Variants in CALCRL observed in about 807,000 individuals in gnomAD.
The protein encoded by CALCRL is calcitonin gene-related peptide type 1 receptor.
Under a neutral mutation model 60.4 loss-of-function variants are expected in CALCRL, and 27 were observed. The observed-to-expected ratio is 0.45, with a 90% CI of 0.33 to 0.62. The LOEUF (loss-of-function observed/expected upper bound fraction) is 0.62, where lower values mean the gene tolerates loss of function less well. Ranked by LOEUF, CALCRL falls within the 20% of genes least tolerant of loss-of-function variation. The pLI, the probability that CALCRL is intolerant of heterozygous loss-of-function variation, is 0.03. For synonymous variants in CALCRL, 190 were observed against 182.6 expected (o/e 1.04, Z -0.33); for missense variants, 424 against 540.7 (o/e 0.78, Z 2.14).
intron 1 of CALCRL, among the ~76,000 whole-genome samples, chr2:187,395,783 A>G (rs988043255): frequency 1.3e-5 from 2 of 151,940 alleles, no homozygotes; most frequent in African/African-American, 2.4e-5. Flanking sequence ...AACATTTAAA[A>G]CAGGAAGTTA....
intron 1 of CALCRL, chr2:187,415,532 T>C: frequency 4.8e-6 from 2 of 413,578 alleles, no homozygotes; most frequent in Non-Finnish European, 4.5e-6. Flanking sequence ...TATCTAACAA[T>C]GTTTGGGACA....
intron 1 of CALCRL, among the ~76,000 whole-genome samples, chr2:187,430,000 C>T (rs1426074034): frequency 1.3e-5 from 2 of 152,172 alleles, no homozygotes; most frequent in African/African-American, 4.8e-5. Context: ...AATTTTCTCC[C>T]ATTGTGCTCT....
chr2:187,371,767 ATTTTC>A, intron 8 of CALCRL, among the ~76,000 whole-genome samples: 2 of 151,894 alleles, frequency 1.3e-5, no homozygotes, highest in Non-Finnish European at 2.9e-5. Flanking sequence ...ATCGTGCACA[ATTTTC>A]AGAGAAAAGT....
intron 12 of CALCRL, among the ~76,000 whole-genome samples, chr2:187,353,102 CAT>C (rs778020548): frequency 1.3e-5 from 2 of 151,882 alleles, no homozygotes; most frequent in African/African-American, 2.4e-5. Context: ...CCTACTGAAA[CAT>C]ATTTATTTCT....
chr2:187,439,629 G>A (rs374831132), intron 1 of CALCRL, among the ~76,000 whole-genome samples: 9 of 152,230 alleles, frequency 5.9e-5, no homozygotes, highest in South Asian at 2.1e-4. Flanking sequence ...TAGTATAGAC[G>A]TAGGTTGATT....
chr2:187,419,533 G>C (rs943391741), intron 1 of CALCRL, among the ~76,000 whole-genome samples: 1 of 152,108 alleles, frequency 6.6e-6, no homozygotes, highest in African/African-American at 2.4e-5. Context: ...GGCAGCCCTT[G>C]CAAATTAATA....
intron 1 of CALCRL, among the ~76,000 whole-genome samples, chr2:187,404,822 A>T (rs2105832913): frequency 6.6e-6 from 1 of 152,072 alleles, no homozygotes; most frequent in Middle Eastern, 3.4e-3. Context: ...CAGTATGGGT[A>T]TCTGAATAGT....
chr2:187,435,865 CGTGCGTGTGTGT>C (rs1387445932), intron 1 of CALCRL, among the ~76,000 whole-genome samples: 6 of 148,424 alleles, frequency 4.0e-5, no homozygotes, highest in South Asian at 4.3e-4. Flanking sequence ...TGTGTTTGTG[CGTGCGTGTGTGT>C]GTGTGTGTGT....
At position 187,375,719 on chromosome 2, in the gene CALCRL, C is replaced by A. The variant is rs555236080; in HGVS notation, c.500+3221G>T. Among the ~76,000 whole-genome samples, 13 of 152,156 alleles carry A rather than the reference C, an allele frequency of 8.5e-5. No individual in the cohort carries two copies. In the South Asian group the frequency reaches 2.7e-3, roughly 32 times the overall value. On this transcript the variant is annotated intron_variant, in intron 8 of 14. Transcript: ENST00000392370. ...GGCCTCTTTTGGAATGAGGAATGTG[C>A]CTACAGGTTACATCTTTAAAGTTAA...
chr2:187,401,875 C>T (rs115252923), intron 1 of CALCRL, among the ~76,000 whole-genome samples: 2,984 of 151,092 alleles, frequency 0.02, 99 homozygotes, highest in African/African-American at 0.067. Context: ...TACATCCTAA[C>T]TATACTCCTT....
chr2:187,444,544 T>G (rs1251906926), intron 1 of CALCRL, among the ~76,000 whole-genome samples: 1 of 151,596 alleles, frequency 6.6e-6, no homozygotes, highest in African/African-American at 2.4e-5. Context: ...TTTGGTGTAT[T>G]AGTTTTGAAT....
At chr2:187,374,020 A>T (rs1157978435) in intron 8 of CALCRL, among the ~76,000 whole-genome samples, 1 of 152,004 alleles carries the variant, frequency 6.6e-6, no homozygotes, top group African/African-American at 2.4e-5. Flanking sequence ...TTAAAAAATT[A>T]TCTGGGTGTG....
chr2:187,362,384 A>G (rs1173943666), intron 9 of CALCRL, among the ~76,000 whole-genome samples: 4 of 152,036 alleles, frequency 2.6e-5, no homozygotes, highest in Admixed American at 6.6e-5. Flanking sequence ...TTTAGAGTGG[A>G]ACATATACAA....
chr2:187,403,026 C>G (rs1019482826), intron 1 of CALCRL, among the ~76,000 whole-genome samples: 2 of 151,606 alleles, frequency 1.3e-5, no homozygotes, highest in African/African-American at 2.4e-5. Flanking sequence ...TGTGAAGATA[C>G]AACCCGGAAG....
intron 1 of CALCRL, among the ~76,000 whole-genome samples, chr2:187,421,708 C>T (rs1303003000): frequency 1.3e-5 from 2 of 152,198 alleles, no homozygotes; most frequent in Non-Finnish European, 2.9e-5. Flanking sequence ...CCTACGGCAG[C>T]ACAATTCCTG....
At chr2:187,433,028 T>C (rs1690467718) in intron 1 of CALCRL, among the ~76,000 whole-genome samples, 2 of 152,084 alleles carry the variant, frequency 1.3e-5, no homozygotes, top group South Asian at 4.1e-4. Context: ...AATGACAAAC[T>C]TGCCTAATGA....
At chr2:187,425,510 G>C (rs1474426155) in intron 1 of CALCRL, among the ~76,000 whole-genome samples, 3 of 151,944 alleles carry the variant, frequency 2.0e-5, no homozygotes, top group Non-Finnish European at 2.9e-5. Flanking sequence ...ATATTAGGTT[G>C]CATTATTCTA....
At chr2:187,369,762 T>A (rs914829045) in intron 8 of CALCRL, among the ~76,000 whole-genome samples, 3 of 152,136 alleles carry the variant, frequency 2.0e-5, no homozygotes, top group African/African-American at 7.2e-5. Flanking sequence ...TTTTTAGAAA[T>A]TAAAACAGGA....
chr2:187,389,054 C>CT (rs1389385715), intron 1 of CALCRL, among the ~76,000 whole-genome samples: 1 of 144,502 alleles, frequency 6.9e-6, no homozygotes, highest in Non-Finnish European at 1.5e-5. Flanking sequence ...ATACTTTTCT[C>CT]TATTACTTCT....
Sources: allele counts gnomAD v4.1 joint callset (sites outside exome capture counted in the v4.1 genomes callset), GRCh38; gene constraint gnomAD v4.1.1; transcripts MANE v1.5; gene names NCBI Gene and HGNC (gene_info 2026-07-23, HGNC 2026-07-21).